The following SYT1 variants were observed in gnomAD, a reference collection of about 807,000 sequenced individuals.
SYT1 encodes synaptotagmin-1.
In SYT1, 8 loss-of-function variants were observed where a neutral mutation model predicts 44.8. The observed-to-expected ratio is 0.18, with a 90% CI of 0.10 to 0.32. The LOEUF (loss-of-function observed/expected upper bound fraction) is 0.32, where lower values mean the gene tolerates loss of function less well. Among genes scored for constraint, SYT1 ranks in the 10% least tolerant of loss-of-function variants. SYT1 has a pLI of 1.00. For synonymous variants in SYT1, 154 were observed against 188.8 expected (o/e 0.82, Z 1.51); for missense variants, 286 against 509.3 (o/e 0.56, Z 4.22).
At chr12:79,217,438 A>C in intron 3 of SYT1, 65 bp from the exon 4 acceptor site, 3 of 1,364,856 alleles carry the variant, frequency 2.2e-6, no homozygotes, top group Non-Finnish European at 2.9e-6. Context: ...TCTCTGGGAT[A>C]CCTTTGATGT....
Position 79,433,415 on chromosome 12 carries a change from T to TA in SYT1, c.929-10653dup. Among the ~76,000 whole-genome samples, 2 of 152,208 alleles carry TA rather than the reference T, an allele frequency of 1.3e-5. 1 individual carries two copies. Among genetic ancestry groups the TA allele is most frequent in the Non-Finnish European group, 2.9e-5 (2 of 68,038 alleles). ...TTTGTCATATTACATGTACATTTAT[T>TA]AAAAATCCTAGCAGCAATGTTACCA... is the stretch of plus-strand genomic sequence containing the variant. On this transcript the variant is annotated intron_variant, in intron 9 of 10. Transcript: ENST00000261205.
At chr12:79,240,793 T>C (rs923692089) in intron 4 of SYT1, among the ~76,000 whole-genome samples, 3 of 152,224 alleles carry the variant, frequency 2.0e-5, no homozygotes, top group African/African-American at 7.2e-5. Flanking sequence ...ATTCATTTTT[T>C]AAAAAGTAAT....
chr12:79,108,578 A>T (rs1565810052), intron 3 of SYT1, among the ~76,000 whole-genome samples: 2 of 152,156 alleles, frequency 1.3e-5, no homozygotes, highest in African/African-American at 4.8e-5. Context: ...CAAAAGGGGA[A>T]ATGAAAATCT....
At chr12:79,267,843 C>T (rs1878215228) in intron 4 of SYT1, among the ~76,000 whole-genome samples, 1 of 152,130 alleles carries the variant, frequency 6.6e-6, no homozygotes, top group Admixed American at 6.6e-5. Flanking sequence ...TTTATCTCTG[C>T]CTGAAGACCC....
At chr12:79,152,829 A>G (rs960607692) in intron 3 of SYT1, among the ~76,000 whole-genome samples, 2 of 151,488 alleles carry the variant, frequency 1.3e-5, no homozygotes, top group African/African-American at 4.8e-5. Context: ...GGTCCAAACT[A>G]TGGAAACTAA....
At chr12:79,338,787 A>G (rs987427690) in intron 8 of SYT1, among the ~76,000 whole-genome samples, 1 of 151,540 alleles carries the variant, frequency 6.6e-6, no homozygotes, top group African/African-American at 2.4e-5. Flanking sequence ...CGTCATTTAC[A>G]TTAGGTATTT....
chr12:79,419,330 A>G lies in SYT1; in HGVS notation c.929-24743A>G, dbSNP rs1299683051. 8 of 501,966 alleles carry G rather than the reference A, an allele frequency of 1.6e-5. No homozygotes were observed. The East Asian group carries it at 4.0e-4, about 25-fold the overall frequency. 31.1% of individuals were successfully genotyped at this position (501,966 alleles called of 1,614,324 possible). On this transcript the variant is annotated intron_variant, in intron 9 of 10. Transcript: ENST00000261205. ...TTAATTTCCTTTTTTCTAAATCTTAATAATCTACCTTGCTTTTCTTCTCCT... is the reference window on the plus strand; with the variant it reads ...TTAATTTCCTTTTTTCTAAATCTTAGTAATCTACCTTGCTTTTCTTCTCCT...
chr12:78,906,815 T>G (rs920273425), intron 1 of SYT1, among the ~76,000 whole-genome samples: 2 of 152,096 alleles, frequency 1.3e-5, no homozygotes, highest in Admixed American at 6.6e-5. Flanking sequence ...TTGATCATTC[T>G]GTCATTTTCA....
At chr12:79,079,577 A>G (rs142127503) in intron 3 of SYT1, among the ~76,000 whole-genome samples, 72 of 152,124 alleles carry the variant, frequency 4.7e-4, no homozygotes, top group Non-Finnish European at 9.4e-4. Context: ...AAATTAATGT[A>G]TCAAAGTATG....
At chr12:79,053,485 C>T (rs1053312704) in intron 3 of SYT1, among the ~76,000 whole-genome samples, 10 of 151,268 alleles carry the variant, frequency 6.6e-5, no homozygotes, top group Non-Finnish European at 4.4e-5. Flanking sequence ...TGTGCACACG[C>T]ACCCCAAAAC....
intron 6 of SYT1, among the ~76,000 whole-genome samples, chr12:79,292,336 C>A (rs1481597803): frequency 1.3e-5 from 2 of 152,122 alleles, no homozygotes; most frequent in African/African-American, 4.8e-5. Context: ...AGTATTCAAC[C>A]GATTACATCT....
chr12:79,363,784 GTATA>G (rs1883423894), intron 9 of SYT1, among the ~76,000 whole-genome samples: 2 of 150,898 alleles, frequency 1.3e-5, no homozygotes, highest in South Asian at 4.2e-4. Context: ...GCTTCCAAAA[GTATA>G]TACTGTTTCT....
At chr12:79,022,535 A>C (rs1311972484) in intron 2 of SYT1, among the ~76,000 whole-genome samples, 1 of 151,844 alleles carries the variant, frequency 6.6e-6, no homozygotes, top group Non-Finnish European at 1.5e-5. Context: ...TTTTCTCTTA[A>C]ATCAAACATT....
chr12:79,040,084 C>T (rs148453636), intron 2 of SYT1, among the ~76,000 whole-genome samples: 9,400 of 151,968 alleles, frequency 0.062, 352 homozygotes, highest in East Asian at 0.21. Context: ...AATAAACATA[C>T]GGGTGCATGT....
chr12:79,075,591 G>A (rs1876586460), intron 3 of SYT1, among the ~76,000 whole-genome samples: 1 of 152,124 alleles, frequency 6.6e-6, no homozygotes, highest in African/African-American at 2.4e-5. Context: ...ACTATCAGTT[G>A]TGTGACCTTA....
intron 2 of SYT1, among the ~76,000 whole-genome samples, chr12:78,996,345 A>T (rs1870380131): frequency 6.6e-6 from 1 of 152,168 alleles, no homozygotes; most frequent in Non-Finnish European, 1.5e-5. Context: ...TTCTCCCTTA[A>T]GGAAGGGTTG....
chr12:79,143,089 G>C (rs992040492), intron 3 of SYT1, among the ~76,000 whole-genome samples: 3 of 152,090 alleles, frequency 2.0e-5, no homozygotes, highest in Non-Finnish European at 4.4e-5. Flanking sequence ...TGGGTGATTA[G>C]GTATAGAGAG....
At chr12:78,941,050 T>C (rs1367051958) in intron 1 of SYT1, among the ~76,000 whole-genome samples, 3 of 94,376 alleles carry the variant, frequency 3.2e-5, no homozygotes, top group African/African-American at 8.8e-5. Flanking sequence ...CTTTACTTTT[T>C]TTTTCTTTTT....
chr12:79,233,448 T>G (rs762347870), intron 4 of SYT1, among the ~76,000 whole-genome samples: 5 of 152,228 alleles, frequency 3.3e-5, no homozygotes, highest in African/African-American at 7.2e-5. Context: ...TATACGAAAC[T>G]TGTGTAGGTT....
Sources: gnomAD v4.1 joint callset for allele counts (sites outside exome capture counted in the v4.1 genomes callset) on GRCh38, gnomAD v4.1.1 for gene constraint, MANE v1.5 for transcripts, NCBI Gene and HGNC (gene_info 2026-07-23, HGNC 2026-07-21) for gene names.